The following C10orf90 variants were observed in gnomAD, a reference collection of about 807,000 sequenced individuals.
C10orf90 encodes chromosome 10 open reading frame 90, also known as (E2-independent) E3 ubiquitin-conjugating enzyme FATS.
A neutral mutation model predicts 62.5 loss-of-function variants in C10orf90; 56 were observed. The observed-to-expected ratio is 0.90, with a 90% CI of 0.72 to 1.12. The LOEUF (loss-of-function observed/expected upper bound fraction) is 1.12. Ranked by LOEUF, C10orf90 falls within the 50% of genes most tolerant of loss-of-function variation. C10orf90 has a pLI of 0.00. For missense variants in C10orf90, 970 were observed against 880.4 expected (o/e 1.10, Z -1.29); for synonymous variants, 386 against 340.4 (o/e 1.13, Z -1.47).
chr10:126,601,094 C>T (rs1591133817), intron 2 of C10orf90, among the ~76,000 whole-genome samples: 1 of 152,134 alleles, frequency 6.6e-6, no homozygotes, highest in African/African-American at 2.4e-5. Flanking sequence ...ATAAAGCCCA[C>T]ACAGAAAGAA....
rs1165047912 is a variant in C10orf90, at chr10:126,456,861, T to C, written c.2188+2179A>G. On this transcript the variant is annotated intron_variant, in intron 7 of 9. Transcript: ENST00000488181. This position sits in a 1 kb window ranked among gnomAD's most constrained non-coding sequence, Gnocchi z 4.9. ...AGCCGCCAGGAGCAGGGAGGGAGGC[T>C]GGACACGGGATTGACCACTGAGCCT... Among the ~76,000 whole-genome samples the C allele has an allele frequency of 6.6e-6, 1 of 152,202 alleles. No homozygotes were observed. The highest frequency in any genetic ancestry group is 1.5e-5 in the Non-Finnish European group (1 of 68,042).
At chr10:126,594,879 T>C (rs2576027) in intron 2 of C10orf90, among the ~76,000 whole-genome samples, 16,745 of 152,096 alleles carry the variant, frequency 0.11, 1,663 homozygotes, top group African/African-American at 0.24. Context: ...GAGGCAGGTG[T>C]GAGACTTATT....
intron 2 of C10orf90, among the ~76,000 whole-genome samples, chr10:126,569,784 G>A (rs555958838): frequency 1.1e-4 from 16 of 152,214 alleles, no homozygotes; most frequent in African/African-American, 3.9e-4. Context: ...ATGGAAAATA[G>A]CTCTTCTGAT....
chr10:126,518,240 A>G (rs1254562216), intron 2 of C10orf90, among the ~76,000 whole-genome samples: 3 of 152,206 alleles, frequency 2.0e-5, no homozygotes, highest in Non-Finnish European at 4.4e-5. Flanking sequence ...CTTGTTGGAA[A>G]TTCACATTCT....
At chr10:126,571,504 T>G (rs143667333) in intron 2 of C10orf90, among the ~76,000 whole-genome samples, 1 of 152,144 alleles carries the variant, frequency 6.6e-6, no homozygotes, top group South Asian at 2.1e-4. Flanking sequence ...CAGGCATACC[T>G]GCACCCTGGA....
At chr10:126,608,915 C>G (rs1408148480) in intron 2 of C10orf90, among the ~76,000 whole-genome samples, 2 of 152,122 alleles carry the variant, frequency 1.3e-5, no homozygotes, top group Non-Finnish European at 2.9e-5. Context: ...GTAGAGGCAG[C>G]CTATGTAAAC....
intron 1 of C10orf90, among the ~76,000 whole-genome samples, chr10:126,649,929 G>A (rs1302726261): frequency 6.6e-6 from 1 of 151,958 alleles, no homozygotes; most frequent in African/African-American, 2.4e-5. Context: ...AAAGATGGAA[G>A]GAAGGAAGGA....
chr10:126,622,977 T>C (rs1845675162), intron 2 of C10orf90, among the ~76,000 whole-genome samples: 1 of 152,224 alleles, frequency 6.6e-6, no homozygotes. Flanking sequence ...ATATTAAGAA[T>C]AACATCTGAT....
At chr10:126,660,876 G>A (rs916046026) in intron 1 of C10orf90, among the ~76,000 whole-genome samples, 4 of 152,142 alleles carry the variant, frequency 2.6e-5, no homozygotes, top group Non-Finnish European at 5.9e-5. Context: ...CAGTTAATTT[G>A]TGCATGGTGA....
At chr10:126,494,663 TG>T (rs1438713584) in intron 4 of C10orf90, among the ~76,000 whole-genome samples, 1 of 152,198 alleles carries the variant, frequency 6.6e-6, no homozygotes, top group Non-Finnish European at 1.5e-5. Context: ...TGCATGCAAA[TG>T]TTTCACTCAA....
At chr10:126,427,882 CT>C (rs1346917495) in intron 8 of C10orf90, among the ~76,000 whole-genome samples, 2 of 152,166 alleles carry the variant, frequency 1.3e-5, no homozygotes, top group Non-Finnish European at 2.9e-5. Context: ...AATAAACTCC[CT>C]TTTATATACA....
intron 2 of C10orf90, among the ~76,000 whole-genome samples, chr10:126,563,225 C>A (rs112515081): frequency 1.3e-5 from 2 of 152,178 alleles, no homozygotes; most frequent in Admixed American, 6.5e-5. Flanking sequence ...ACTGCAGTAG[C>A]GTGGGGCTAA....
Position 126,629,370 on chromosome 10 carries a change from G to A in C10orf90, c.313+17195C>T, listed in dbSNP as rs145972236. ...AGAGTTCTCATGAGCAATGTCTGAT[G>A]GATACATTCTAATGAAGGAGAAACA... On this transcript the variant is annotated intron_variant, in intron 2 of 9. Transcript: ENST00000488181. Among the ~76,000 whole-genome samples, 35 of 152,310 alleles carry A rather than the reference G, an allele frequency of 2.3e-4. 1 individual carries two copies. The highest frequency in any genetic ancestry group is 8.4e-4 in the African/African-American group (35 of 41,562).
chr10:126,518,761 G>A (rs1243216372), intron 2 of C10orf90, among the ~76,000 whole-genome samples: 2 of 152,098 alleles, frequency 1.3e-5, no homozygotes, highest in African/African-American at 4.8e-5. Context: ...GATTGCACCC[G>A]CTGCTGTCTC....
chr10:126,504,354 G>A lies in C10orf90; in HGVS notation c.1137C>T (p.Ser379=), dbSNP rs748116581. Residue 379 remains serine, a synonymous_variant, in exon 4 of 10, where the codon AGC becomes AGT. Transcript: ENST00000488181. This position sits in a 1 kb window ranked among gnomAD's most constrained non-coding sequence, Gnocchi z 4.1. Reference sequence around the variant, plus strand: ...ACAGGACGGATCTGTGCATTTTGGGGCTGGCAATTTGAGGTGGCTCAATGG... The same window carrying A: ...ACAGGACGGATCTGTGCATTTTGGGACTGGCAATTTGAGGTGGCTCAATGG... ...SVPIEPPQIA[S]PKMHRSVLSL... 3.1e-6 allele frequency: 5 copies of A among 1,614,182 alleles called. No individual in the cohort carries two copies. The highest frequency in any genetic ancestry group is 2.2e-5 in the East Asian group (1 of 44,866).
At chr10:126,563,137 GGTT>G (rs777237370) in intron 2 of C10orf90, among the ~76,000 whole-genome samples, 9 of 152,326 alleles carry the variant, frequency 5.9e-5, no homozygotes, top group Non-Finnish European at 1.2e-4. Context: ...CACTCCAGCT[GGTT>G]GTTGTTTAAA....
chr10:126,617,083 T>A (rs1012052352), intron 2 of C10orf90, among the ~76,000 whole-genome samples: 2 of 152,200 alleles, frequency 1.3e-5, no homozygotes, highest in African/African-American at 4.8e-5. Flanking sequence ...TCTTCCTGTT[T>A]CTCATAACAC....
chr10:126,580,019 G>A (rs1197264411), intron 2 of C10orf90, among the ~76,000 whole-genome samples: 1 of 152,176 alleles, frequency 6.6e-6, no homozygotes, highest in African/African-American at 2.4e-5. Context: ...AAAGTGAGCT[G>A]TGGGTATTGG....
At chr10:126,638,740 C>T (rs935550630) in intron 2 of C10orf90, among the ~76,000 whole-genome samples, 6 of 152,188 alleles carry the variant, frequency 3.9e-5, no homozygotes, top group Non-Finnish European at 7.3e-5. Flanking sequence ...CACAGGAAAC[C>T]AAAGTCACCC....
Sources: gnomAD v4.1 joint callset for allele counts (sites outside exome capture counted in the v4.1 genomes callset) on GRCh38, gnomAD v4.1.1 for gene constraint, Gnocchi (gnomAD v3.1) non-coding constraint, MANE v1.5 for transcripts, NCBI Gene and HGNC (gene_info 2026-07-23, HGNC 2026-07-21) for gene names.